The following NAV2 variants were observed in gnomAD, a reference collection of about 807,000 sequenced individuals.
The protein encoded by NAV2 is neuron navigator 2.
NAV2 carries 54 observed loss-of-function variants against 223.2 expected under a neutral mutation model. That is an observed-to-expected ratio of 0.24 (90% CI 0.19 to 0.30). The LOEUF (loss-of-function observed/expected upper bound fraction) is 0.30, where lower values mean the gene tolerates loss of function less well. Ranked by LOEUF, NAV2 falls within the 10% of genes least tolerant of loss-of-function variation. The probability of loss-of-function intolerance (pLI) is 1.00; values close to 1 mark genes in which losing one functional copy is unlikely to be tolerated. For missense variants in NAV2, 2,806 were observed against 3,147.5 expected (o/e 0.89, Z 2.60); for synonymous variants, 1,279 against 1,239.3 (o/e 1.03, Z -0.67).
At chr11:19,804,375 A>T (rs752218701) in intron 1 of NAV2, among the ~76,000 whole-genome samples, 19 of 152,308 alleles carry the variant, frequency 1.2e-4, no homozygotes, top group Admixed American at 2.6e-4. Flanking sequence ...CTTGCAAGGT[A>T]TCTAAGTGCT....
At chr11:19,544,599 G>A (rs759792464) in intron 1 of NAV2, among the ~76,000 whole-genome samples, 28 of 152,124 alleles carry the variant, frequency 1.8e-4, no homozygotes, top group Non-Finnish European at 4.1e-4. Flanking sequence ...CTTGGAGTGG[G>A]GTACAGAATT....
In NAV2 at chr11:19,933,877, A is replaced by G; in HGVS notation, c.1633A>G (p.Lys545Glu). Reference protein sequence around the residue: ...KSSKIASFIPKGGKLNSAKKE... With the variant: ...KSSKIASFIPEGGKLNSAKKE... ...CTCCAAGATTGCCAGCTTCATCCCCAAAGGGGGGAAGCTCAACAGTGCCAA... is the reference window on the plus strand; with the variant it reads ...CTCCAAGATTGCCAGCTTCATCCCCGAAGGGGGGAAGCTCAACAGTGCCAA... Residue 545 changes from lysine to glutamate, a missense_variant, in exon 7 of 38, where the codon AAA becomes GAA. Physicochemically the swap from Lys to Glu is moderately conservative, Grantham distance 56 (BLOSUM62 1). Transcript: ENST00000349880. This position sits in a 1 kb window ranked among gnomAD's most constrained non-coding sequence, Gnocchi z 4.3. 6.2e-7 allele frequency: 1 copy of G among 1,600,414 alleles called. No homozygotes were observed. Among genetic ancestry groups the G allele is most frequent in the Non-Finnish European group, 8.5e-7 (1 of 1,175,208 alleles).
At chr11:20,007,723 G>A (rs2053204068) in intron 11 of NAV2, among the ~76,000 whole-genome samples, 1 of 152,170 alleles carries the variant, frequency 6.6e-6, no homozygotes, top group African/African-American at 2.4e-5. Flanking sequence ...CAAGCCTGGT[G>A]TGTGAGCTCA....
chr11:19,454,104 C>G (rs1037714596), intron 1 of NAV2, among the ~76,000 whole-genome samples: 1 of 152,276 alleles, frequency 6.6e-6, no homozygotes, highest in African/African-American at 2.4e-5. Context: ...GTGAACACTC[C>G]CCGTCCCTGG....
At chr11:19,787,303 A>C (rs1057222888) in intron 1 of NAV2, among the ~76,000 whole-genome samples, 2 of 89,188 alleles carry the variant, frequency 2.2e-5, no homozygotes, top group Admixed American at 3.2e-4. Context: ...TTTTTTGGAG[A>C]TGGGGTCTCA....
At chr11:19,783,673 C>T (rs2056906414) in intron 1 of NAV2, among the ~76,000 whole-genome samples, 1 of 152,174 alleles carries the variant, frequency 6.6e-6, no homozygotes, top group Admixed American at 6.5e-5. Flanking sequence ...TGCCAATGAT[C>T]TGTGCAACCT....
intron 36 of NAV2, 65 bp downstream of exon 36, chr11:20,107,847 T>A: frequency 9.4e-7 from 1 of 1,060,260 alleles, no homozygotes; most frequent in Non-Finnish European, 1.4e-6. Context: ...CCAGATGAGT[T>A]GTCTTTATCT....
chr11:19,856,680 G>C (rs995305661), intron 3 of NAV2, among the ~76,000 whole-genome samples: 10 of 152,216 alleles, frequency 6.6e-5, no homozygotes, highest in African/African-American at 1.9e-4. Context: ...TTTGGGGTTA[G>C]ATTTCTCATA....
chr11:19,836,330 G>C (rs1013766166), intron 2 of NAV2, among the ~76,000 whole-genome samples: 56 of 151,978 alleles, frequency 3.7e-4, no homozygotes, highest in African/African-American at 1.3e-3. Flanking sequence ...GGCCGAGGCG[G>C]GTGGATCATG....
intron 1 of NAV2, among the ~76,000 whole-genome samples, chr11:19,363,438 G>C (rs1288548865): frequency 2.0e-5 from 3 of 152,094 alleles, no homozygotes; most frequent in Non-Finnish European, 4.4e-5. Flanking sequence ...CATTTTACAG[G>C]TGAGAAAACT....
At chr11:19,500,024 A>G (rs915830307) in intron 1 of NAV2, among the ~76,000 whole-genome samples, 1 of 152,044 alleles carries the variant, frequency 6.6e-6, no homozygotes, top group Non-Finnish European at 1.5e-5. Context: ...ACACGCACAC[A>G]CACACCCTCT....
Position 19,933,451 on chromosome 11 carries a change from G to A in NAV2, c.1207G>A (p.Glu403Lys), listed in dbSNP as rs781643128. ...PAPNNQKSML[E>K]KLKLFNSKGG... ...CCCCAACAATCAGAAGTCCATGCTGGAAAAGCTGAAACTTTTCAACAGTAA... is the reference window on the plus strand; with the variant it reads ...CCCCAACAATCAGAAGTCCATGCTGAAAAAGCTGAAACTTTTCAACAGTAA... The change falls in exon 7 of 38, where the codon GAA (glutamate) becomes AAA (lysine). Residue 403 changes from glutamate to lysine, a missense_variant. Transcript: ENST00000349880. This position sits in a 1 kb window ranked among gnomAD's most constrained non-coding sequence, Gnocchi z 4.3. 3 of 1,602,894 alleles carry A rather than the reference G, an allele frequency of 1.9e-6. No individual in the cohort carries two copies. Among genetic ancestry groups the A allele is most frequent in the East Asian group, 2.2e-5 (1 of 44,728 alleles).
chr11:20,085,615 C>G (rs1002035578), intron 26 of NAV2, among the ~76,000 whole-genome samples: 1 of 152,202 alleles, frequency 6.6e-6, no homozygotes, highest in Non-Finnish European at 1.5e-5. Flanking sequence ...CTCAGCCCAA[C>G]GCTCAGCAGC....
At chr11:20,059,306 G>A (rs1034164604) in intron 19 of NAV2, among the ~76,000 whole-genome samples, 11 of 152,108 alleles carry the variant, frequency 7.2e-5, no homozygotes, top group Non-Finnish European at 1.5e-4. Context: ...GTCTGGCCAC[G>A]TCACTTAACC....
chr11:19,345,473 C>A, the NAV2 span, among the ~76,000 whole-genome samples: 558 of 152,330 alleles, frequency 3.7e-3, 3 homozygotes, highest in Non-Finnish European at 6.7e-3. The surrounding 1 kb of genome is among the most constrained non-coding windows in gnomAD (Gnocchi z 5.2). Context: ...GTGGGGACTG[C>A]CGTTGGGGAG....
chr11:19,974,831 A>G (rs1335882171), intron 10 of NAV2, among the ~76,000 whole-genome samples: 1 of 152,220 alleles, frequency 6.6e-6, no homozygotes, highest in Non-Finnish European at 1.5e-5. Flanking sequence ...GAACTCTGTA[A>G]TTTCTGTACA....
At chr11:19,473,269 G>A (rs2042019354) in intron 1 of NAV2, among the ~76,000 whole-genome samples, 1 of 151,718 alleles carries the variant, frequency 6.6e-6, no homozygotes. Context: ...AACTCTTGAA[G>A]ATAGGTCAGA....
intron 1 of NAV2, among the ~76,000 whole-genome samples, chr11:19,594,691 G>A (rs1010844930): frequency 1.3e-5 from 2 of 152,076 alleles, no homozygotes; most frequent in African/African-American, 4.8e-5. Flanking sequence ...AGAGAGGAGA[G>A]GTGGAGAACA....
intron 11 of NAV2, among the ~76,000 whole-genome samples, chr11:20,002,446 T>C (rs1212929561): frequency 3.3e-5 from 5 of 152,066 alleles, no homozygotes; most frequent in Non-Finnish European, 7.4e-5. Flanking sequence ...GAGATGTCAG[T>C]GCGTTCAGAT....
Sources: gnomAD v4.1 joint callset for allele counts (sites outside exome capture counted in the v4.1 genomes callset) on GRCh38, gnomAD v4.1.1 for gene constraint, Gnocchi (gnomAD v3.1) non-coding constraint, MANE v1.5 for transcripts, NCBI Gene and HGNC (gene_info 2026-07-23, HGNC 2026-07-21) for gene names.